The following SNX25 variants were observed in gnomAD, a reference collection of about 807,000 sequenced individuals.
The protein encoded by SNX25 is sorting nexin-25.
Under a neutral mutation model 113.7 loss-of-function variants are expected in SNX25, and 62 were observed. The observed-to-expected ratio is 0.55, with a 90% CI of 0.44 to 0.67. The LOEUF is 0.67. Among genes scored for constraint, SNX25 ranks in the 30% least tolerant of loss-of-function variants. SNX25 has a pLI of 0.00. For synonymous variants in SNX25, 421 were observed against 436.2 expected, an observed-to-expected ratio of 0.97 and a Z score of 0.43; for missense variants, 1,014 against 1,161.0, an observed-to-expected ratio of 0.87 and a Z score of 1.84.
intron 1 of SNX25, among the ~76,000 whole-genome samples, chr4:185,212,491 G>GTTTCTGTT (rs1553980597): frequency 1.6e-4 from 17 of 104,940 alleles, no homozygotes; most frequent in African/African-American, 5.5e-4. Flanking sequence ...GTGTGTGTGT[G>GTTTCTGTT]TTTTTTTTTT....
intron 1 of SNX25, among the ~76,000 whole-genome samples, chr4:185,242,468 A>G (rs1744213661): frequency 6.6e-6 from 1 of 152,192 alleles, no homozygotes. Context: ...CTTTGGGTTC[A>G]GTTAATTTGC....
chr4:185,377,191 T>C, the SNX25 span: 1 of 606,056 alleles, frequency 1.7e-6, no homozygotes, highest in Non-Finnish European at 2.9e-6. Flanking sequence ...AAAAACGTCA[T>C]GGTCACAGGC....
At position 185,351,454 on chromosome 4, in the gene SNX25, T is replaced by A; in HGVS notation, c.2311T>A (p.Ser771Thr). ...QLNKFLQNLL[S>T]DERLCQSEAL... ...CCTCTTTCTTCCATAGAATCTGCTT[T>A]CAGATGAAAGACTGTGTCAGAGTGA... Residue 771 changes from serine to threonine, a missense_variant, in exon 14 of 19, where the codon TCA (serine) becomes ACA (threonine). Coordinates refer to ENST00000652585, the MANE Select transcript of SNX25 (RefSeq NM_001378034.2). 6.2e-7 allele frequency: 1 copy of A among 1,613,512 alleles called. No homozygotes were observed. Among genetic ancestry groups the A allele is most frequent in the Non-Finnish European group, 8.5e-7 (1 of 1,179,860 alleles).
chr4:185,221,119 A>G (rs1411067397), intron 1 of SNX25, among the ~76,000 whole-genome samples: 1 of 148,552 alleles, frequency 6.7e-6, no homozygotes, highest in Non-Finnish European at 1.5e-5. Context: ...CGCAACCTCC[A>G]CTTCCTGGGC....
intron 6 of SNX25, among the ~76,000 whole-genome samples, chr4:185,309,021 G>A (rs1754883472): frequency 1.3e-5 from 2 of 152,226 alleles, no homozygotes; most frequent in Admixed American, 1.3e-4. Flanking sequence ...GGCAGGGTTT[G>A]GAAGTAATGA....
In SNX25 at chr4:185,232,318, G is replaced by A. The variant is rs1038546378; in HGVS notation, c.430-14976G>A. On this transcript the variant is annotated intron_variant, in intron 1 of 18. Transcript: ENST00000652585. The surrounding 1 kb of genome is among the most constrained non-coding windows in gnomAD (Gnocchi z 4.4). ...CGGGGTTACAATCTTCCCGGACATC[G>A]CCTAAGTTTTATTATCCCCCTTATA... is the stretch of plus-strand genomic sequence containing the variant. Among the ~76,000 whole-genome samples, 2 of 152,022 alleles carry A rather than the reference G, an allele frequency of 1.3e-5. No homozygotes were observed. The highest frequency in any genetic ancestry group is 2.1e-4 in the South Asian group (1 of 4,826).
chr4:185,223,936 A>G (rs1308385476), intron 1 of SNX25, among the ~76,000 whole-genome samples: 2 of 152,206 alleles, frequency 1.3e-5, no homozygotes, highest in East Asian at 3.8e-4. Context: ...TCGGTTACAT[A>G]AAGGTACAGT....
intron 10 of SNX25, among the ~76,000 whole-genome samples, chr4:185,339,146 T>G (rs1460959093): frequency 6.6e-6 from 1 of 152,208 alleles, no homozygotes; most frequent in Non-Finnish European, 1.5e-5. Context: ...TTCATCAGTG[T>G]TTTGTAGTTT....
intron 6 of SNX25, among the ~76,000 whole-genome samples, chr4:185,310,216 T>TTAA (rs1382429615): frequency 6.6e-6 from 1 of 152,214 alleles, no homozygotes; most frequent in Non-Finnish European, 1.5e-5. Flanking sequence ...TGCTAGACTC[T>TTAA]TAAAAGTCCA....
chr4:185,271,221 G>C (rs957596712), intron 5 of SNX25, among the ~76,000 whole-genome samples: 6 of 152,224 alleles, frequency 3.9e-5, no homozygotes, highest in Non-Finnish European at 8.8e-5. Context: ...AGTTTGCAGA[G>C]TCAGTGGGAA....
intron 2 of SNX25, among the ~76,000 whole-genome samples, chr4:185,249,277 C>T (rs759962774): frequency 2.6e-4 from 40 of 152,114 alleles, no homozygotes; most frequent in Non-Finnish European, 2.6e-4. Context: ...ATGAGAGTTC[C>T]GGTTGTCTCA....
intron 10 of SNX25, among the ~76,000 whole-genome samples, chr4:185,333,144 A>G (rs2095207285): frequency 6.6e-6 from 1 of 152,242 alleles, no homozygotes; most frequent in Non-Finnish European, 1.5e-5. Flanking sequence ...ACCTTACAGT[A>G]TTGTTCAGGA....
chr4:185,266,845 A>G (rs1748164608), intron 4 of SNX25, 124 bp from the exon 5 acceptor site: 3 of 826,656 alleles, frequency 3.6e-6, no homozygotes, highest in Admixed American at 3.1e-5. Context: ...TGTATTATAT[A>G]GATATTCCCC....
At chr4:185,237,923 C>T (rs1470894114) in intron 1 of SNX25, among the ~76,000 whole-genome samples, 24 of 151,558 alleles carry the variant, frequency 1.6e-4, no homozygotes, top group African/African-American at 4.8e-5. Flanking sequence ...ATTAGCCGGG[C>T]GTGGTGGCAC....
rs577241038 is a variant in SNX25 at position 185,352,673 on chromosome 4, T to C, written c.2467-812T>C. ...TTTTGAGGCGTTTGCTGTTGCTGGATTTCTGTGATGCTGTTTTTAGGGAAC... is the reference window on the plus strand; with the variant it reads ...TTTTGAGGCGTTTGCTGTTGCTGGACTTCTGTGATGCTGTTTTTAGGGAAC... On this transcript the variant is annotated intron_variant, in intron 14 of 18. Transcript: ENST00000652585. Among the ~76,000 whole-genome samples, 3 of 152,340 alleles carry C rather than the reference T, an allele frequency of 2.0e-5. No individual in the cohort carries two copies. In the East Asian group the frequency reaches 5.8e-4, roughly 29 times the overall value.
chr4:185,358,533 C>A (rs1042722002), intron 16 of SNX25, among the ~76,000 whole-genome samples: 1 of 152,060 alleles, frequency 6.6e-6, no homozygotes, highest in African/African-American at 2.4e-5. Flanking sequence ...TTATTTAGAT[C>A]GGTTTAGGCC....
upstream of SNX25, among the ~76,000 whole-genome samples, chr4:185,205,236 C>G (rs868347157): frequency 2.2e-4 from 33 of 152,244 alleles, no homozygotes; most frequent in African/African-American, 7.9e-4. Context: ...CGGGTGGGGC[C>G]CCCTGAGAGG....
chr4:185,210,119 T>A lies in SNX25; in HGVS notation c.293T>A (p.Leu98Gln), dbSNP rs1038794245. 7.1e-6 allele frequency: 7 copies of A among 983,972 alleles called. No individual in the cohort carries two copies. The highest frequency in any genetic ancestry group is 7.2e-6 in the Non-Finnish European group (6 of 829,542). 61.0% of individuals were successfully genotyped at this position (983,972 alleles called of 1,614,324 possible). ...SSVLFRLSLY[L>Q]SCAAAAFLLG... ...GTCCTGTTCAGGCTCAGCCTGTACCTGAGCTGCGCGGCGGCCGCCTTCCTG... is the reference window on the plus strand; with the variant it reads ...GTCCTGTTCAGGCTCAGCCTGTACCAGAGCTGCGCGGCGGCCGCCTTCCTG... The change falls in exon 1 of 19, where the codon CTG becomes CAG. Residue 98 changes from leucine to glutamine, a missense_variant. Coordinates refer to ENST00000652585, the MANE Select transcript of SNX25 (RefSeq NM_001378034.2). This position sits in a 1 kb window ranked among gnomAD's most constrained non-coding sequence, Gnocchi z 4.4.
chr4:185,323,514 T>C lies in SNX25; in HGVS notation c.1477-14T>C. 6.2e-7 allele frequency: 1 copy of C among 1,600,496 alleles called. No individual in the cohort carries two copies. The highest frequency in any genetic ancestry group is 8.5e-7 in the Non-Finnish European group (1 of 1,175,172). On this transcript the variant is annotated splice_polypyrimidine_tract_variant and intron_variant, in intron 8 of 18. Transcript: ENST00000652585. ...TGATATGTCTTACTTTTCCTTATCT[T>C]CCTGTCTTTTCAGAATGAAATTCCA...
Sources: gnomAD v4.1 joint callset for allele counts (sites outside exome capture counted in the v4.1 genomes callset) on GRCh38, gnomAD v4.1.1 for gene constraint, Gnocchi (gnomAD v3.1) non-coding constraint, MANE v1.5 for transcripts, NCBI Gene and HGNC (gene_info 2026-07-23, HGNC 2026-07-21) for gene names.